ATPAF2: variants seen among roughly 807,000 people sequenced by gnomAD.
ATPAF2 encodes ATP synthase mitochondrial F1 complex assembly factor 2.
A neutral mutation model predicts 36.6 loss-of-function variants in ATPAF2; 30 were observed. The ratio of observed to expected loss-of-function variants is 0.82; its 90% CI spans 0.61 to 1.11. The LOEUF is 1.11. Ranked by LOEUF, ATPAF2 falls within the 50% of genes most tolerant of loss-of-function variation. The pLI is 0.00. For missense variants in ATPAF2, 321 were observed against 372.3 expected (o/e 0.86, Z 1.13); for synonymous variants, 140 against 152.6 (o/e 0.92, Z 0.61).
downstream of ATPAF2, chr17:18,016,034 C>T (rs2044349424): frequency 1.9e-6 from 3 of 1,610,988 alleles, no homozygotes; most frequent in African/African-American, 4.0e-5. Context: ...ATGACACACA[C>T]TTTCTCATTG....
intron 5 of ATPAF2, among the ~76,000 whole-genome samples, chr17:18,022,594 C>CTTTTTTTT (rs34473758): frequency 8.2e-6 from 1 of 121,394 alleles, no homozygotes; most frequent in Non-Finnish European, 1.8e-5. Flanking sequence ...TTTTTTCAAA[C>CTTTTTTTT]TTTTTTTTTT....
intron 3 of ATPAF2, chr17:18,026,748 CTAT>C (rs1417601528): frequency 9.7e-6 from 4 of 414,026 alleles, no homozygotes; most frequent in South Asian, 7.2e-5. Context: ...GGAGTAGGTA[CTAT>C]TATTATGTCC....
At chr17:18,035,701 T>A (rs181240638) in intron 1 of ATPAF2, among the ~76,000 whole-genome samples, 37 of 152,364 alleles carry the variant, frequency 2.4e-4, no homozygotes, top group Middle Eastern at 6.8e-3. Context: ...TAGCCATAGA[T>A]GATATGTAAA....
chr17:18,024,965 T>C, intron 4 of ATPAF2: 1 of 502,326 alleles, frequency 2.0e-6, no homozygotes, highest in South Asian at 2.0e-5. Context: ...CAATCTGTTT[T>C]AACAAGCCCT....
intron 3 of ATPAF2, chr17:18,026,814 A>T (rs2044552956): frequency 3.7e-6 from 1 of 269,912 alleles, no homozygotes; most frequent in Non-Finnish European, 7.2e-6. Flanking sequence ...TGTCAAATAC[A>T]GTTAATAAGA....
At chr17:18,024,009 G>T (rs2044507646) in intron 5 of ATPAF2, among the ~76,000 whole-genome samples, 1 of 152,200 alleles carries the variant, frequency 6.6e-6, no homozygotes, top group Non-Finnish European at 1.5e-5. Context: ...AATTTTGCAG[G>T]AAGCTATCCA....
At chr17:18,016,546 T>C, downstream of ATPAF2, 1 of 1,596,010 alleles carries the variant, frequency 6.3e-7, no homozygotes, top group Non-Finnish European at 8.6e-7. Flanking sequence ...GGGCTTTGGT[T>C]TCACTCCTCA....
Position 18,029,912 on chromosome 17 carries a change from C to T in ATPAF2, c.134-1253G>A, listed in dbSNP as rs562235180. On this transcript the variant is annotated intron_variant, in intron 1 of 7. Coordinates refer to ENST00000474627, the MANE Select transcript of ATPAF2 (RefSeq NM_145691.4). ...AAAAAAAAAAAAAAAAAAGGCTGGT[C>T]GCAGTGGCTCATGCCTATAATCCTA... 2.0e-3 allele frequency among the ~76,000 whole-genome samples: 277 copies of T among 139,702 alleles called. No individual in the cohort carries two copies. The Middle Eastern group carries it at 0.02, about 10-fold the overall frequency. 91.6% of individuals were successfully genotyped at this position (139,702 alleles called of 152,430 possible).
chr17:18,016,399 C>A, downstream of ATPAF2: 1 of 782,874 alleles, frequency 1.3e-6, no homozygotes, highest in Non-Finnish European at 2.0e-6. Context: ...TAATTCCTAC[C>A]TCAAATATAC....
chr17:18,030,320 C>CAAAAAAAAAAAAAAAA (rs1162130285), intron 1 of ATPAF2, among the ~76,000 whole-genome samples: 11 of 64,082 alleles, frequency 1.7e-4, no homozygotes, highest in Non-Finnish European at 2.9e-4. Flanking sequence ...GACTCCATCT[C>CAAAAAAAAAAAAAAAA]AAAAAAAAAA....
Position 18,018,614 on chromosome 17 carries a change from C to G in ATPAF2, c.805G>C (p.Gly269Arg). 6.2e-7 allele frequency: 1 copy of G among 1,613,990 alleles called. No individual in the cohort carries two copies. The highest frequency in any genetic ancestry group is 8.5e-7 in the Non-Finnish European group (1 of 1,180,028). Residue 269 changes from glycine to arginine, a missense_variant, in exon 8 of 8, where the codon GGC becomes CGC. Coordinates refer to ENST00000474627, the MANE Select transcript of ATPAF2 (RefSeq NM_145691.4). ...GAGCAGAGATGGATGAAGAGGGTGCCGGCGGCGGTGCGGGCCCGCAGCTCC... is the reference window on the plus strand; with the variant it reads ...GAGCAGAGATGGATGAAGAGGGTGCGGGCGGCGGTGCGGGCCCGCAGCTCC... ...LQELRARTAA[G>R]TLFIHLCSES...
chr17:18,032,454 C>T (rs2044649328), intron 1 of ATPAF2, among the ~76,000 whole-genome samples: 1 of 152,138 alleles, frequency 6.6e-6, no homozygotes, highest in Non-Finnish European at 1.5e-5. Context: ...CAGAAGAAAA[C>T]CATGCAGAAA....
In ATPAF2 at chr17:18,019,368, T is replaced by C. The variant is rs190032050; in HGVS notation, c.733-682A>G. Among the ~76,000 whole-genome samples the C allele has an allele frequency of 3.4e-3, 525 of 152,330 alleles. 1 individual carries two copies. The highest frequency in any genetic ancestry group is 5.6e-3 in the Non-Finnish European group (384 of 68,028). ...TGAGGAGGCCTTATGTGCCATCCCT[T>C]CTCCTACACTTCCTCCCAGAAAGCC... is the stretch of plus-strand genomic sequence containing the variant. On this transcript the variant is annotated intron_variant, in intron 7 of 7. Coordinates refer to ENST00000474627, the MANE Select transcript of ATPAF2 (RefSeq NM_145691.4).
downstream of ATPAF2, chr17:18,016,244 T>C (rs752836364): frequency 1.3e-6 from 2 of 1,596,486 alleles, no homozygotes; most frequent in Non-Finnish European, 1.7e-6. Flanking sequence ...CTTTTCTAGC[T>C]GACATGGAAA....
At chr17:18,038,384 G>A (rs1419428357) in intron 1 of ATPAF2, among the ~76,000 whole-genome samples, 1 of 152,242 alleles carries the variant, frequency 6.6e-6, no homozygotes, top group Non-Finnish European at 1.5e-5. Context: ...GATGGCAGAG[G>A]TTGTGGTAGG....
At chr17:18,021,653 A>C (rs1056355459) in intron 6 of ATPAF2, 92 bp downstream of exon 6, 70 of 1,113,844 alleles carry the variant, frequency 6.3e-5, no homozygotes, top group Admixed American at 1.0e-4. Context: ...GTGCCTCTCC[A>C]CTCACAGGAC....
chr17:18,029,587 ATTTT>A (rs1567576997), intron 1 of ATPAF2, among the ~76,000 whole-genome samples: 6 of 151,870 alleles, frequency 4.0e-5, no homozygotes, highest in African/African-American at 4.8e-5. Context: ...TTATTTATTT[ATTTT>A]ATTATTATTT....
rs781437033 is a variant in ATPAF2, at chr17:18,028,625, T to C, written c.168A>G (p.Thr56=). 16 of 1,610,944 alleles carry C rather than the reference T, an allele frequency of 9.9e-6. No homozygotes were observed. The Admixed American group carries it at 2.5e-4, about 25-fold the overall frequency. The change falls in exon 2 of 8, where the codon ACA becomes ACG. Residue 56 remains threonine, a synonymous_variant. Transcript: ENST00000474627. Reference sequence around the variant, plus strand: ...ATTTCAGACACTCACCTTCACCCTGTGTGATGCTGACATTCTGATAAAACC... The same window carrying C: ...ATTTCAGACACTCACCTTCACCCTGCGTGATGCTGACATTCTGATAAAACC... ...RKRFYQNVSI[T]QGEGGFEINL... is the part of the protein sequence containing the mutation.
At position 18,025,237 on chromosome 17, in the gene ATPAF2, A is replaced by G. The variant is rs1041103054; in HGVS notation, c.423-533T>C. 8 of 205,312 alleles carry G rather than the reference A, an allele frequency of 3.9e-5. No homozygotes were observed. The East Asian group carries it at 5.1e-4, about 13-fold the overall frequency. The allele number at this position is 205,312 out of a possible 1,614,324, so 12.7% of individuals were successfully genotyped here. A position where few individuals can be genotyped will look rare whatever the true frequency, so the allele number is the denominator to read the frequency against. On this transcript the variant is annotated intron_variant, in intron 4 of 7. Coordinates refer to ENST00000474627, the MANE Select transcript of ATPAF2 (RefSeq NM_145691.4). ...AGACCAAATAGCCTGTTTATACCTCATAAGTCCACCCACCTCCTGGCTACA... is the reference window on the plus strand; with the variant it reads ...AGACCAAATAGCCTGTTTATACCTCGTAAGTCCACCCACCTCCTGGCTACA...
Sources: gnomAD v4.1 joint callset for allele counts (sites outside exome capture counted in the v4.1 genomes callset) on GRCh38, gnomAD v4.1.1 for gene constraint, MANE v1.5 for transcripts, NCBI Gene and HGNC (gene_info 2026-07-23, HGNC 2026-07-21) for gene names.